PCBP3: variants seen among roughly 807,000 people sequenced by gnomAD.
The protein encoded by PCBP3 is poly(rC) binding protein 3.
PCBP3 carries 25 observed loss-of-function variants against 52.7 expected under a neutral mutation model. The ratio of observed to expected loss-of-function variants is 0.47; its 90% CI spans 0.35 to 0.66. The LOEUF (loss-of-function observed/expected upper bound fraction) is 0.66, where lower values mean the gene tolerates loss of function less well. PCBP3 is among the 30% of genes least tolerant of loss of function. The probability of loss-of-function intolerance (pLI) is 0.01; values close to 1 mark genes in which losing one functional copy is unlikely to be tolerated. For missense variants in PCBP3, 391 were observed against 490.3 expected, an observed-to-expected ratio of 0.80 and a Z score of 1.91; for synonymous variants, 162 against 183.0, an observed-to-expected ratio of 0.89 and a Z score of 0.93.
intron 1 of PCBP3, among the ~76,000 whole-genome samples, chr21:45,650,101 A>T (rs2079579381): frequency 6.6e-6 from 1 of 151,982 alleles, no homozygotes. Flanking sequence ...CTGAGGCTGG[A>T]GGATCATTTG....
At chr21:45,941,594 C>T in intron 17 of PCBP3, 76 bp from the exon 18 acceptor site, 1 of 1,368,116 alleles carries the variant, frequency 7.3e-7, no homozygotes, top group Non-Finnish European at 1.0e-6. Context: ...GGCCACACAG[C>T]CCGGCCTCAC....
At chr21:45,696,876 A>T (rs893150363) in intron 2 of PCBP3, among the ~76,000 whole-genome samples, 1 of 152,294 alleles carries the variant, frequency 6.6e-6, no homozygotes, top group Middle Eastern at 3.4e-3. Flanking sequence ...ATGTCCAGTA[A>T]CTTATAAAGA....
At chr21:45,811,337 C>T (rs538603662) in intron 4 of PCBP3, among the ~76,000 whole-genome samples, 1 of 152,372 alleles carries the variant, frequency 6.6e-6, no homozygotes, top group Non-Finnish European at 1.5e-5. Context: ...GACTCACCTC[C>T]TTGCCTCTTC....
At chr21:45,898,482 C>T (rs1349506239) in intron 6 of PCBP3, among the ~76,000 whole-genome samples, 1 of 147,882 alleles carries the variant, frequency 6.8e-6, no homozygotes, top group Non-Finnish European at 1.5e-5. Context: ...TCTCCTTCCA[C>T]AGACCCCTCT....
rs75897477 is a variant in PCBP3, at chr21:45,680,811, G to A, written c.-200+11859G>A. On this transcript the variant is annotated intron_variant, in intron 2 of 17. Coordinates refer to ENST00000681687, the MANE Select transcript of PCBP3 (RefSeq NM_001384156.1). Reference sequence around the variant, plus strand: ...TTTGCTGTGAAGTATGATGCTAGCTGTAGATTTGTGTAGATGATATTTATC... The same window carrying A: ...TTTGCTGTGAAGTATGATGCTAGCTATAGATTTGTGTAGATGATATTTATC... Among the ~76,000 whole-genome samples the A allele has an allele frequency of 2.5e-3, 385 of 152,312 alleles. 2 individuals carry two copies. The highest frequency in any genetic ancestry group is 8.6e-3 in the African/African-American group (358 of 41,568).
intron 1 of PCBP3, among the ~76,000 whole-genome samples, chr21:45,667,874 G>A (rs761549481): frequency 2.0e-4 from 31 of 152,088 alleles, no homozygotes; most frequent in Non-Finnish European, 4.0e-4. Context: ...ATTTGTTTAT[G>A]TAGTGACTTT....
intron 5 of PCBP3, among the ~76,000 whole-genome samples, chr21:45,878,179 C>T (rs927109441): frequency 1.3e-5 from 2 of 152,246 alleles, no homozygotes; most frequent in African/African-American, 4.8e-5. Context: ...AGCAGCCTGA[C>T]AGGCTGGCAA....
intron 11 of PCBP3, among the ~76,000 whole-genome samples, chr21:45,913,216 G>C (rs566277596): frequency 1.3e-5 from 2 of 152,236 alleles, no homozygotes; most frequent in African/African-American, 4.8e-5. Context: ...CTGTGTTTCC[G>C]ACAGAATACC....
chr21:45,925,699 G>GA (rs1190779320), intron 13 of PCBP3, among the ~76,000 whole-genome samples: 1 of 151,626 alleles, frequency 6.6e-6, no homozygotes, highest in African/African-American at 2.4e-5. Context: ...TCAGTAGGGG[G>GA]AAAAAAACAA....
At chr21:45,939,171 T>G (rs1439471618) in intron 16 of PCBP3, among the ~76,000 whole-genome samples, 1 of 152,226 alleles carries the variant, frequency 6.6e-6, no homozygotes, top group African/African-American at 2.4e-5. Flanking sequence ...TCTGGGGCTT[T>G]CTCTGCCACA....
intron 4 of PCBP3, among the ~76,000 whole-genome samples, chr21:45,771,746 GA>G (rs2089884542): frequency 6.6e-6 from 1 of 152,090 alleles, no homozygotes; most frequent in South Asian, 2.1e-4. Context: ...TATTTTACTG[GA>G]GGTTCTAGCA....
chr21:45,726,590 G>A (rs760832442), intron 2 of PCBP3, among the ~76,000 whole-genome samples: 18 of 152,082 alleles, frequency 1.2e-4, no homozygotes, highest in East Asian at 9.6e-4. Flanking sequence ...CCATGATCCC[G>A]CCAGGCCTGT....
At chr21:45,927,470 C>A (rs750538460) in intron 13 of PCBP3, among the ~76,000 whole-genome samples, 71 of 148,870 alleles carry the variant, frequency 4.8e-4, no homozygotes, top group Admixed American at 1.1e-3. Context: ...AAGTGGAAGG[C>A]CCCTTGGCAC....
At chr21:45,913,825 G>A (rs2096452450) in intron 11 of PCBP3, 126 bp from the exon 12 acceptor site, 10 of 824,710 alleles carry the variant, frequency 1.2e-5, no homozygotes, top group African/African-American at 1.7e-5. Context: ...TGCGAAACTC[G>A]GGGAGGTGTG....
chr21:45,853,402 G>A lies in PCBP3; in HGVS notation c.10+3307G>A, dbSNP rs1227712667. Among the ~76,000 whole-genome samples the A allele has an allele frequency of 6.6e-6, 1 of 152,138 alleles. No homozygotes were observed. Among genetic ancestry groups the A allele is most frequent in the Admixed American group, 6.5e-5 (1 of 15,278 alleles). On this transcript the variant is annotated intron_variant, in intron 5 of 17. Coordinates refer to ENST00000681687, the MANE Select transcript of PCBP3 (RefSeq NM_001384156.1). The surrounding 1 kb of genome is among the most constrained non-coding windows in gnomAD (Gnocchi z 4.6). ...TCTTGGCGTTTTGAAAAAATAATTG[G>A]ACAAAACACACAAACAAAGCAAGGA...
chr21:45,907,431 G>A (rs1373439216), intron 9 of PCBP3, among the ~76,000 whole-genome samples: 2 of 152,190 alleles, frequency 1.3e-5, no homozygotes, highest in African/African-American at 2.4e-5. Flanking sequence ...AGAGACAGTC[G>A]AGGTTGTCGG....
At chr21:45,772,398 T>C (rs1489718412) in intron 4 of PCBP3, among the ~76,000 whole-genome samples, 1 of 152,222 alleles carries the variant, frequency 6.6e-6, no homozygotes, top group Non-Finnish European at 1.5e-5. Context: ...CATGGTTTTA[T>C]TCTTTTTTAA....
chr21:45,934,116 G>A (rs1569510783), intron 15 of PCBP3, among the ~76,000 whole-genome samples: 1 of 152,124 alleles, frequency 6.6e-6, no homozygotes, highest in Non-Finnish European at 1.5e-5. Context: ...GGGGGTGGGA[G>A]GAGGGCTCCC....
chr21:45,821,163 C>T lies in PCBP3; in HGVS notation c.-125-28798C>T, dbSNP rs2093123645. Among the ~76,000 whole-genome samples the T allele has an allele frequency of 2.6e-5, 4 of 152,228 alleles. No individual in the cohort carries two copies. The South Asian group carries it at 8.3e-4, about 32-fold the overall frequency. On this transcript the variant is annotated intron_variant, in intron 4 of 17. Transcript: ENST00000681687. This position sits in a 1 kb window ranked among gnomAD's most constrained non-coding sequence, Gnocchi z 4.4. ...AGCATCTTTCAACTCTTGACCTGCT[C>T]CCCCTTCCCGGTTCCCACTTTTTGC...
Sources: allele counts gnomAD v4.1 joint callset (sites outside exome capture counted in the v4.1 genomes callset), GRCh38; gene constraint gnomAD v4.1.1; non-coding constraint Gnocchi (gnomAD v3.1); transcripts MANE v1.5; gene names NCBI Gene and HGNC (gene_info 2026-07-23, HGNC 2026-07-21).